The following SNED1 variants were observed in gnomAD, a reference collection of about 807,000 sequenced individuals.
SNED1 encodes the protein sushi, nidogen and EGF-like domain-containing protein 1.
In SNED1, 81 loss-of-function variants were observed where a neutral mutation model predicts 166.7. That is an observed-to-expected ratio of 0.49 (90% CI 0.41 to 0.58). The LOEUF (loss-of-function observed/expected upper bound fraction) is 0.58. Among genes scored for constraint, SNED1 ranks in the 20% least tolerant of loss-of-function variants. The pLI is 0.00. For missense variants in SNED1, 1,604 were observed against 2,000.2 expected (o/e 0.80, Z 3.78); for synonymous variants, 762 against 822.0 (o/e 0.93, Z 1.25).
chr2:241,062,178 A>G (rs2125172154), intron 16 of SNED1, among the ~76,000 whole-genome samples: 1 of 152,336 alleles, frequency 6.6e-6, no homozygotes, highest in Non-Finnish European at 1.5e-5. Context: ...TTTTAAAGAC[A>G]AGGAAATTAT....
intron 24 of SNED1, 139 bp downstream of exon 24, chr2:241,070,340 G>A: frequency 7.5e-6 from 7 of 939,064 alleles, no homozygotes; most frequent in Non-Finnish European, 1.1e-5. Flanking sequence ...CAGGGGAGGA[G>A]TCTGTGTATG....
At position 240,998,816 on chromosome 2, in the gene SNED1, G is replaced by T; in HGVS notation, c.-22G>T. 1 of 1,165,216 alleles carries T rather than the reference G, an allele frequency of 8.6e-7. No homozygotes were observed. The highest frequency in any genetic ancestry group is 1.1e-6 in the Non-Finnish European group (1 of 944,444). The allele number at this position is 1,165,216 out of a possible 1,614,324, so 72.2% of individuals were successfully genotyped here. A position where few individuals can be genotyped will look rare whatever the true frequency, so the allele number is the denominator to read the frequency against. On this transcript the variant is annotated 5_prime_UTR_variant, in exon 1 of 32. Coordinates refer to ENST00000310397, the MANE Select transcript of SNED1 (RefSeq NM_001080437.3). The stretch of plus-strand genomic sequence containing the variant: ...CAGCGCCCTGCTCCGCCAGCGCCCC[G>T]TCCCGCCCGCACACCTCCGCGATGC...
At chr2:241,090,178 C>A in intron 31 of SNED1, 1 of 1,463,274 alleles carries the variant, frequency 6.8e-7, no homozygotes, top group Non-Finnish European at 9.1e-7. Context: ...TGTTTTCTGT[C>A]CTTAGTGCTT....
chr2:241,053,357 G>T (rs780795181), intron 16 of SNED1, 31 bp downstream of exon 16: 195 of 1,535,702 alleles, frequency 1.3e-4, no homozygotes, highest in Non-Finnish European at 1.4e-4. Context: ...GGTGGGGCAG[G>T]TGGGGCCCAC....
Position 241,034,716 on chromosome 2 carries a change from G to C in SNED1, c.791G>C (p.Gly264Ala), listed in dbSNP as rs776019058. 3 of 1,571,566 alleles carry C rather than the reference G, an allele frequency of 1.9e-6. No individual in the cohort carries two copies. Among genetic ancestry groups the C allele is most frequent in the Admixed American group, 3.7e-5 (2 of 53,774 alleles). The change falls in exon 4 of 32, where the codon GGC becomes GCC. Residue 264 changes from glycine (G) to alanine (A), a missense_variant. Transcript: ENST00000310397. ...RIDDAQVRVG[G>A]CGHTTSVCLA... The stretch of plus-strand genomic sequence containing the variant: ...GATGATGCCCAGGTGCGCGTGGGGG[G>C]CTGCGGCCATACAAGTAAGAGGACA...
chr2:241,052,670 C>G lies in SNED1; in HGVS notation c.2083+202C>G, dbSNP rs117497419. Among the ~76,000 whole-genome samples the G allele has an allele frequency of 0.013, 623 of 47,906 alleles. 25 individuals carry two copies. Among genetic ancestry groups the G allele is most frequent in the East Asian group, 0.06 (88 of 1,476 alleles). The allele number at this position is 47,906 out of a possible 152,430, so 31.4% of individuals were successfully genotyped here. A position where few individuals can be genotyped will look rare whatever the true frequency, so the allele number is the denominator to read the frequency against. ...AGCAGGGTACATGGGACACCGGTGC[C>G]AGGCAGGTGAGAGGGTCGGCGGGGG... On this transcript the variant is annotated intron_variant, in intron 15 of 31. Coordinates refer to ENST00000310397, the MANE Select transcript of SNED1 (RefSeq NM_001080437.3).
chr2:241,013,570 C>A lies in SNED1; in HGVS notation c.213+14520C>A, dbSNP rs530728118. Reference sequence around the variant, plus strand: ...GTCCAGGCTGGTCTTGAACTCCTGGCCTCAAGAGATCCTCCTGCCTCAGCC... The same window carrying A: ...GTCCAGGCTGGTCTTGAACTCCTGGACTCAAGAGATCCTCCTGCCTCAGCC... On this transcript the variant is annotated intron_variant, in intron 1 of 31. Transcript: ENST00000310397. The surrounding 1 kb of genome is among the most constrained non-coding windows in gnomAD (Gnocchi z 4.6). 2.1e-4 allele frequency among the ~76,000 whole-genome samples: 32 copies of A among 151,756 alleles called. No individual in the cohort carries two copies. The highest frequency in any genetic ancestry group is 1.4e-3 in the Admixed American group (22 of 15,256).
At chr2:241,021,935 TA>T in intron 1 of SNED1, among the ~76,000 whole-genome samples, 1 of 150,084 alleles carries the variant, frequency 6.7e-6, no homozygotes, top group East Asian at 1.9e-4. Flanking sequence ...GGTTATTATC[TA>T]CTTTTTTCAT....
In SNED1 at chr2:240,999,091, G is replaced by T. The variant is rs746537647; in HGVS notation, c.213+41G>T. The T allele has an allele frequency of 5.5e-5, 65 of 1,177,296 alleles. 2 individuals carry two copies. In the South Asian group the frequency reaches 2.0e-3, roughly 36 times the overall value. The allele number at this position is 1,177,296 out of a possible 1,614,324, so 72.9% of individuals were successfully genotyped here. ...GCTCGCGGGGCGCCCGGGAGGGGAG[G>T]GAGCTGCGCCCCGGCCGCTGCCCGC... On this transcript the variant is annotated intron_variant, in intron 1 of 31. Transcript: ENST00000310397. This position sits in a 1 kb window ranked among gnomAD's most constrained non-coding sequence, Gnocchi z 5.8.
intron 27 of SNED1, among the ~76,000 whole-genome samples, chr2:241,079,844 C>G (rs751474513): frequency 6.6e-6 from 1 of 152,066 alleles, no homozygotes; most frequent in Non-Finnish European, 1.5e-5. Flanking sequence ...TTAGGCTATA[C>G]TCAGTGATCT....
At chr2:241,088,062 T>G in intron 30 of SNED1, 1 of 460,730 alleles carries the variant, frequency 2.2e-6, no homozygotes. Context: ...CCTGTGCACG[T>G]CACCGGCTCT....
intron 1 of SNED1, among the ~76,000 whole-genome samples, chr2:241,026,633 C>T (rs2060979313): frequency 6.6e-6 from 1 of 152,108 alleles, no homozygotes; most frequent in Admixed American, 6.5e-5. Context: ...TATTTAGTTA[C>T]TTATATCGTA....
chr2:241,048,277 C>A (rs1195237326), intron 8 of SNED1, 38 bp from the exon 9 acceptor site: 4 of 1,558,402 alleles, frequency 2.6e-6, no homozygotes, highest in South Asian at 1.2e-5. Flanking sequence ...TCCCCACATT[C>A]CCTGCGTGGC....
intron 16 of SNED1, among the ~76,000 whole-genome samples, chr2:241,057,380 A>AAAAAAAAT (rs377141068): frequency 8.5e-6 from 1 of 118,114 alleles, no homozygotes; most frequent in African/African-American, 3.8e-5. Flanking sequence ...TCCATCTCAA[A>AAAAAAAAT]ATATATATAT....
At chr2:241,032,721 A>T (rs2061228296) in intron 2 of SNED1, among the ~76,000 whole-genome samples, 1 of 152,246 alleles carries the variant, frequency 6.6e-6, no homozygotes, top group Admixed American at 6.5e-5. Context: ...AGACAAAACA[A>T]TGAGTGCTAC....
At chr2:241,046,871 G>A (rs1413014683) in intron 8 of SNED1, among the ~76,000 whole-genome samples, 3 of 152,148 alleles carry the variant, frequency 2.0e-5, no homozygotes, top group Non-Finnish European at 4.4e-5. Flanking sequence ...AGTAGCTGGC[G>A]TGGTGGCTCA....
intron 27 of SNED1, chr2:241,074,648 T>C (rs2062936529): frequency 6.6e-6 from 1 of 152,188 alleles, no homozygotes; most frequent in African/African-American, 2.4e-5. Context: ...GCTCATGCCC[T>C]GGTGGGTGCA....
In SNED1 at chr2:241,052,829, C is replaced by T. The variant is rs149088316; in HGVS notation, c.2084-324C>T. Reference sequence around the variant, plus strand: ...GGGCCCAAGCAGGGTACATGGGATGCCGGTGTCAGGCAGGTGAGATGGCCG... The same window carrying T: ...GGGCCCAAGCAGGGTACATGGGATGTCGGTGTCAGGCAGGTGAGATGGCCG... On this transcript the variant is annotated intron_variant, in intron 15 of 31. Transcript: ENST00000310397. 4.5e-5 allele frequency among the ~76,000 whole-genome samples: 6 copies of T among 134,460 alleles called. No homozygotes were observed. In the East Asian group the frequency reaches 1.7e-3, roughly 38 times the overall value. The allele number at this position is 134,460 out of a possible 152,430, so 88.2% of individuals were successfully genotyped here. A position where few individuals can be genotyped will look rare whatever the true frequency, so the allele number is the denominator to read the frequency against.
chr2:241,043,292 C>T (rs34350103), intron 8 of SNED1, among the ~76,000 whole-genome samples: 2 of 151,846 alleles, frequency 1.3e-5, no homozygotes, highest in African/African-American at 2.4e-5. Context: ...TTACATACAG[C>T]GAAACAAGAA....
Sources: allele counts gnomAD v4.1 joint callset (sites outside exome capture counted in the v4.1 genomes callset), GRCh38; gene constraint gnomAD v4.1.1; non-coding constraint Gnocchi (gnomAD v3.1); transcripts MANE v1.5; gene names NCBI Gene and HGNC (gene_info 2026-07-23, HGNC 2026-07-21).